Variants in ZNF787 observed in about 807,000 individuals in gnomAD.
ZNF787 encodes zinc finger protein 787, also known as TTF-I-interacting peptide 20.
ZNF787 carries 7 observed loss-of-function variants against 16.9 expected under a neutral mutation model. The observed-to-expected ratio is 0.42, with a 90% CI of 0.24 to 0.78. The LOEUF is 0.78. ZNF787 is among the 30% of genes least tolerant of loss of function. The pLI is 0.30. For synonymous variants in ZNF787, 345 were observed against 270.9 expected (o/e 1.27, Z -2.69); for missense variants, 551 against 589.3 (o/e 0.94, Z 0.67).
At chr19:56,109,291 C>T (rs1324577437) in intron 1 of ZNF787, among the ~76,000 whole-genome samples, 2 of 152,210 alleles carry the variant, frequency 1.3e-5, no homozygotes, top group South Asian at 4.1e-4. Context: ...AACAGGCCAC[C>T]CCAGTGCAGC....
chr19:56,115,871 C>G (rs978525451), intron 1 of ZNF787, among the ~76,000 whole-genome samples: 2 of 152,154 alleles, frequency 1.3e-5, no homozygotes, highest in African/African-American at 4.8e-5. Context: ...GATCCTTATG[C>G]GAAGGCTTCC....
Position 56,088,067 on chromosome 19 carries a change from C to G in ZNF787, c.1105G>C (p.Ala369Pro). 2.1e-6 allele frequency: 3 copies of G among 1,418,864 alleles called. No individual in the cohort carries two copies. Among genetic ancestry groups the G allele is most frequent in the Non-Finnish European group, 9.2e-7 (1 of 1,085,346 alleles). The allele number at this position is 1,418,864 out of a possible 1,614,324, so 87.9% of individuals were successfully genotyped here. Residue 369 changes from alanine to proline, a missense_variant, in exon 3 of 3, where the codon GCG (alanine) becomes CCG (proline). Ala to Pro is a conservative substitution (Grantham distance 27). Transcript: ENST00000610935. The surrounding 1 kb of genome is among the most constrained non-coding windows in gnomAD (Gnocchi z 8.6). ...CGGCACTCGGGGCACCGCCCGCCCG[C>G]GGCCTCGTCGTCGTCGTCCTCCTCC... Reference protein sequence around the residue: ...GEEEDDDDEAAGGRCPECRGG... With the variant: ...GEEEDDDDEAPGGRCPECRGG...
chr19:56,114,557 C>G (rs1440693568), intron 1 of ZNF787, among the ~76,000 whole-genome samples: 1 of 152,178 alleles, frequency 6.6e-6, no homozygotes, highest in African/African-American at 2.4e-5. Context: ...GGGCTCAGTC[C>G]TCCACCTGCC....
rs1985377269 is a variant in ZNF787, at chr19:56,088,001, C to CCCTGCCCG, written c.*21_*22insCGGGCAGG. On this transcript the variant is annotated 3_prime_UTR_variant, in exon 3 of 3. Transcript: ENST00000610935. This position sits in a 1 kb window ranked among gnomAD's most constrained non-coding sequence, Gnocchi z 8.6. ...CGCCAAGCCCGAGGGGCCCTGCCCG[C>CCCTGCCCG]CCCCCCCCCCGGGCCCCTCCCCTAC... 2 of 14,856 alleles carry CCCTGCCCG rather than the reference C, an allele frequency of 1.3e-4. No individual in the cohort carries two copies. Among genetic ancestry groups the CCCTGCCCG allele is most frequent in the Admixed American group, 9.8e-4 (1 of 1,016 alleles). 0.9% of individuals were successfully genotyped at this position (14,856 alleles called of 1,614,324 possible). A position where few individuals can be genotyped will look rare whatever the true frequency, so the allele number is the denominator to read the frequency against.
intron 1 of ZNF787, among the ~76,000 whole-genome samples, chr19:56,117,704 T>A (rs557528341): frequency 6.6e-6 from 1 of 152,334 alleles, no homozygotes; most frequent in Non-Finnish European, 1.5e-5. Flanking sequence ...CCGTGTCTTA[T>A]TCACCTCTGC....
intron 2 of ZNF787, 109 bp from the exon 3 acceptor site, chr19:56,089,201 T>C: frequency 1.4e-6 from 1 of 692,214 alleles, no homozygotes; most frequent in Admixed American, 3.6e-5. Flanking sequence ...GCGCAGGACC[T>C]GCCCTGGTGT....
rs1319647705 is a variant in ZNF787 at position 56,088,332 on chromosome 19, G to A, written c.840C>T (p.Tyr280=). ...AGCCCTTCCCGCACTCCAGACACAC[G>A]TACGGCTTGGGGGCCGGGGCGCGCC... The part of the protein sequence containing the change: ...RSRRAPAPKP[Y]VCLECGKGFG... The change falls in exon 3 of 3, where the codon TAC becomes TAT. Residue 280 remains tyrosine, a synonymous_variant. Transcript: ENST00000610935. This position sits in a 1 kb window ranked among gnomAD's most constrained non-coding sequence, Gnocchi z 8.6. 9.7e-6 allele frequency: 12 copies of A among 1,237,756 alleles called. No homozygotes were observed. The highest frequency in any genetic ancestry group is 9.1e-5 in the Admixed American group (2 of 22,038). The allele number at this position is 1,237,756 out of a possible 1,614,324, so 76.7% of individuals were successfully genotyped here.
chr19:56,098,210 C>G (rs1241572239), intron 2 of ZNF787, among the ~76,000 whole-genome samples: 2 of 152,220 alleles, frequency 1.3e-5, no homozygotes, highest in Non-Finnish European at 2.9e-5. Context: ...CACCTCTGAA[C>G]AGGGGACATG....
chr19:56,119,009 G>C (rs1450936631), intron 1 of ZNF787, among the ~76,000 whole-genome samples: 3 of 151,996 alleles, frequency 2.0e-5, no homozygotes, highest in Non-Finnish European at 4.4e-5. Context: ...CTCCCTCAAG[G>C]TCAGAGCTCC....
chr19:56,097,541 C>T (rs1459990483), intron 2 of ZNF787, among the ~76,000 whole-genome samples: 1 of 152,256 alleles, frequency 6.6e-6, no homozygotes. Context: ...GGACGGCGGC[C>T]AGCATGTAAA....
chr19:56,115,983 G>A (rs1251407561), intron 1 of ZNF787, among the ~76,000 whole-genome samples: 1 of 152,156 alleles, frequency 6.6e-6, no homozygotes, highest in Non-Finnish European at 1.5e-5. Context: ...GACTCTGGGT[G>A]ATCATCAGGT....
At chr19:56,109,879 G>A (rs997561906) in intron 1 of ZNF787, among the ~76,000 whole-genome samples, 9 of 152,058 alleles carry the variant, frequency 5.9e-5, no homozygotes, top group Admixed American at 2.0e-4. Context: ...GTGAGACTCC[G>A]TCTCAAAAAA....
At chr19:56,119,521 G>A (rs544904591) in intron 1 of ZNF787, among the ~76,000 whole-genome samples, 2 of 152,340 alleles carry the variant, frequency 1.3e-5, no homozygotes, top group African/African-American at 4.8e-5. Flanking sequence ...TCCCGCTGAG[G>A]TCAATACTAT....
At chr19:56,110,417 C>T (rs1272725175) in intron 1 of ZNF787, among the ~76,000 whole-genome samples, 1 of 151,584 alleles carries the variant, frequency 6.6e-6, no homozygotes, top group Non-Finnish European at 1.5e-5. Flanking sequence ...ATTAATTGCA[C>T]CTCTATTAGA....
At chr19:56,094,009 T>C (rs1374610385) in intron 2 of ZNF787, among the ~76,000 whole-genome samples, 1 of 113,704 alleles carries the variant, frequency 8.8e-6, no homozygotes, top group Non-Finnish European at 1.8e-5. Context: ...TTTAAAACTG[T>C]TTTAATCTTT....
At position 56,088,162 on chromosome 19, in the gene ZNF787, T is replaced by C. The variant is rs1311512040; in HGVS notation, c.1010A>G (p.Lys337Arg). The change falls in exon 3 of 3, where the codon AAG becomes AGG. Residue 337 changes from lysine (K) to arginine (R), a missense_variant. Physicochemically the swap from Lys to Arg is conservative, Grantham distance 26 (BLOSUM62 2). Around this residue, in one of 4 missense-constraint regions of ZNF787, gnomAD observed 392 missense variants for 312.7 expected, o/e 1.25. Coordinates refer to ENST00000610935, the MANE Select transcript of ZNF787 (RefSeq NM_001002836.4). This position sits in a 1 kb window ranked among gnomAD's most constrained non-coding sequence, Gnocchi z 8.6. ...CGAGGGCGCGCCCACCGCGTGGATC[T>C]TCTTGTGTCTCCGGAGCGCGGCGCC... Reference protein sequence around the residue: ...VQGAALRRHKKIHAVGAPSVC... With the variant: ...VQGAALRRHKRIHAVGAPSVC... The C allele has an allele frequency of 5.2e-6, 8 of 1,552,478 alleles. No individual in the cohort carries two copies. The highest frequency in any genetic ancestry group is 2.3e-5 in the South Asian group (2 of 86,188).
At position 56,087,392 on chromosome 19, in the gene ZNF787, T is replaced by TCCAGCACCCCTTCCTCCA. The variant is rs1439554735; in HGVS notation, c.*613_*630dup. ...ACATTTGGATAGTGCCGTTTATTGT[T>TCCAGCACCCCTTCCTCCA]CCAGCACCCCTTCCTCCACCACGCC... On this transcript the variant is annotated 3_prime_UTR_variant, in exon 3 of 3. Transcript: ENST00000610935. The TCCAGCACCCCTTCCTCCA allele has an allele frequency of 1.3e-5, 2 of 151,974 alleles. No individual in the cohort carries two copies. The highest frequency in any genetic ancestry group is 4.9e-5 in the African/African-American group (2 of 41,186). 9.4% of individuals were successfully genotyped at this position (151,974 alleles called of 1,614,324 possible).
rs547821358 is a variant in ZNF787 at position 56,087,896 on chromosome 19, G to C, written c.*127C>G. 1 of 1,265,156 alleles carries C rather than the reference G, an allele frequency of 7.9e-7. No homozygotes were observed. The highest frequency in any genetic ancestry group is 3.6e-5 in the East Asian group (1 of 27,948). The allele number at this position is 1,265,156 out of a possible 1,614,324, so 78.4% of individuals were successfully genotyped here. A position where few individuals can be genotyped will look rare whatever the true frequency, so the allele number is the denominator to read the frequency against. On this transcript the variant is annotated 3_prime_UTR_variant, in exon 3 of 3. Coordinates refer to ENST00000610935, the MANE Select transcript of ZNF787 (RefSeq NM_001002836.4). ...GGACGGCGCAGGGACAGAGGAGGGCGGGGAGCCGGGGATGCCGCGGGGTCC... is the reference window on the plus strand; with the variant it reads ...GGACGGCGCAGGGACAGAGGAGGGCCGGGAGCCGGGGATGCCGCGGGGTCC...
chr19:56,096,616 G>T (rs1445974674), intron 2 of ZNF787, among the ~76,000 whole-genome samples: 1 of 152,152 alleles, frequency 6.6e-6, no homozygotes, highest in East Asian at 1.9e-4. Context: ...AGGAGGCTGA[G>T]GCAGGAGAAT....
Sources: gnomAD v4.1 joint callset for allele counts (sites outside exome capture counted in the v4.1 genomes callset) on GRCh38, gnomAD v4.1.1 for gene constraint, gnomAD v4.1.1 regional missense constraint, Gnocchi (gnomAD v3.1) non-coding constraint, MANE v1.5 for transcripts, NCBI Gene and HGNC (gene_info 2026-07-23, HGNC 2026-07-21) for gene names.